LAMA4: variants seen among roughly 807,000 people sequenced by gnomAD.
LAMA4 encodes laminin subunit alpha 4.
Under a neutral mutation model 207.1 loss-of-function variants are expected in LAMA4, and 127 were observed. That is an observed-to-expected ratio of 0.61 (90% CI 0.53 to 0.71). The LOEUF (loss-of-function observed/expected upper bound fraction) is 0.71, where lower values mean the gene tolerates loss of function less well. LAMA4 is among the 30% of genes least tolerant of loss of function. LAMA4 has a pLI of 0.00. For missense variants in LAMA4, 2,093 were observed against 2,246.5 expected, an observed-to-expected ratio of 0.93 and a Z score of 1.38; for synonymous variants, 761 against 816.0, an observed-to-expected ratio of 0.93 and a Z score of 1.15.
chr6:112,236,490 G>A (rs1377478240), intron 2 of LAMA4: 1 of 152,150 alleles, frequency 6.6e-6, no homozygotes, highest in Non-Finnish European at 1.5e-5. Context: ...AGTAGTCATT[G>A]GAAATTCCAA....
intron 38 of LAMA4, among the ~76,000 whole-genome samples, chr6:112,112,245 T>C (rs587636803): frequency 2.6e-5 from 4 of 152,264 alleles, no homozygotes; most frequent in Non-Finnish European, 5.9e-5. Context: ...ATAGGAGAAG[T>C]TGTTTCTTAA....
chr6:112,208,805 G>A (rs1238129528), intron 3 of LAMA4, among the ~76,000 whole-genome samples: 1 of 152,194 alleles, frequency 6.6e-6, no homozygotes, highest in Non-Finnish European at 1.5e-5. Flanking sequence ...CATTAGGTAT[G>A]AGCAATCTTT....
intron 2 of LAMA4, among the ~76,000 whole-genome samples, chr6:112,220,971 T>G (rs1784892007): frequency 6.6e-6 from 1 of 152,168 alleles, no homozygotes; most frequent in South Asian, 2.1e-4. Flanking sequence ...TTTGCATAGA[T>G]ACAGAATCTC....
chr6:112,140,330 C>A (rs1779615364), intron 22 of LAMA4, among the ~76,000 whole-genome samples: 1 of 152,166 alleles, frequency 6.6e-6, no homozygotes, highest in Admixed American at 6.5e-5. Context: ...AGATTTCATA[C>A]TCTCTCCGAA....
chr6:112,209,948 T>C (rs1554355821), intron 3 of LAMA4, among the ~76,000 whole-genome samples: 3 of 152,088 alleles, frequency 2.0e-5, no homozygotes, highest in Non-Finnish European at 1.5e-5. Context: ...ATTCCCCTAG[T>C]GCTGTCTTGT....
intron 2 of LAMA4, among the ~76,000 whole-genome samples, chr6:112,223,986 C>T (rs1198218545): frequency 5.3e-5 from 8 of 152,218 alleles, no homozygotes; most frequent in Admixed American, 5.2e-4. Flanking sequence ...CTTGTGTCCT[C>T]TGCCCATCTC....
intron 3 of LAMA4, among the ~76,000 whole-genome samples, chr6:112,211,400 G>T (rs1176719354): frequency 6.6e-6 from 1 of 152,122 alleles, no homozygotes; most frequent in African/African-American, 2.4e-5. Flanking sequence ...TGCATTTAGG[G>T]TAGCTTGTTA....
Position 112,134,509 on chromosome 6 carries a change from T to C in LAMA4, c.3515A>G (p.Asp1172Gly), listed in dbSNP as rs1554330855. 3.1e-6 allele frequency: 5 copies of C among 1,613,288 alleles called. 1 individual carries two copies. The highest frequency in any genetic ancestry group is 3.3e-4 in the Middle Eastern group (2 of 6,056). The change falls in exon 26 of 39, where the codon GAT (aspartate) becomes GGT (glycine). Residue 1172 changes from aspartate to glycine, a missense_variant. Physicochemically the swap from Asp to Gly is moderately conservative, Grantham distance 94. Coordinates refer to ENST00000230538, the MANE Select transcript of LAMA4 (RefSeq NM_001105206.3). The stretch of plus-strand genomic sequence containing the variant: ...TGGAGGAGCTCCTCCAATGTATATA[T>C]CTGTAAAAGGTATTTTCATCTTTTC... The part of the protein sequence containing the change: ...DNEKMKIPFT[D>G]IYIGGAPPEI...
chr6:112,184,373 G>T (rs1310011211), intron 9 of LAMA4, among the ~76,000 whole-genome samples: 2 of 151,802 alleles, frequency 1.3e-5, no homozygotes, highest in East Asian at 3.9e-4. Flanking sequence ...TAAATATGGT[G>T]CCTCGTGACT....
At position 112,135,490 on chromosome 6, in the gene LAMA4, T is replaced by A. The variant is rs1291554115; in HGVS notation, c.3414+633A>T. Among the ~76,000 whole-genome samples the A allele has an allele frequency of 2.6e-5, 4 of 152,326 alleles. No homozygotes were observed. In the East Asian group the frequency reaches 5.8e-4, roughly 22 times the overall value. On this transcript the variant is annotated intron_variant, in intron 25 of 38. Coordinates refer to ENST00000230538, the MANE Select transcript of LAMA4 (RefSeq NM_001105206.3). ...ATGGACTTTGAACTGAAAAGGGAAA[T>A]ACAGTCTCCTACCCTTCGCATTTTG... is the stretch of plus-strand genomic sequence containing the variant.
chr6:112,121,867 G>T (rs934590566), intron 32 of LAMA4, 147 bp downstream of exon 32: 4 of 707,096 alleles, frequency 5.7e-6, no homozygotes, highest in Non-Finnish European at 1.0e-5. Context: ...CATAAATCAT[G>T]TACTATTTAG....
At position 112,190,931 on chromosome 6, in the gene LAMA4, CTTTCTTTCTTTCTTTCCTTTCTTTCTTT is replaced by C. The variant is rs1783036044; in HGVS notation, c.718+677_718+704del. Among the ~76,000 whole-genome samples, 57 of 79,392 alleles carry C rather than the reference CTTTCTTTCTTTCTTTCCTTTCTTTCTTT, an allele frequency of 7.2e-4. No individual in the cohort carries two copies. In the East Asian group the frequency reaches 0.012, roughly 16 times the overall value. 52.1% of individuals were successfully genotyped at this position (79,392 alleles called of 152,430 possible). On this transcript the variant is annotated intron_variant, in intron 6 of 38. Transcript: ENST00000230538. ...TCTTTCTTTCTTTCTTTCTTTCTTT[CTTTCTTTCTTTCTTTCCTTTCTTTCTTT>C]CTTTCTTTCTTTCTTTCTTTCTTTC...
intron 24 of LAMA4, among the ~76,000 whole-genome samples, chr6:112,136,617 G>A (rs782298450): frequency 2.6e-5 from 4 of 151,640 alleles, no homozygotes; most frequent in African/African-American, 7.3e-5. Context: ...GCTTGAACCC[G>A]GGAGGTGGAA....
At chr6:112,190,868 T>C (rs1782976592) in intron 6 of LAMA4, among the ~76,000 whole-genome samples, 1 of 149,750 alleles carries the variant, frequency 6.7e-6, no homozygotes, top group Admixed American at 6.7e-5. Context: ...ATGCAAGGTT[T>C]CTTTTTCTTT....
At chr6:112,214,332 C>T (rs530649599) in intron 3 of LAMA4, among the ~76,000 whole-genome samples, 4 of 152,142 alleles carry the variant, frequency 2.6e-5, no homozygotes, top group East Asian at 3.9e-4. Context: ...GATCCTCCTG[C>T]CTTGGCCTCC....
At chr6:112,184,193 A>G (rs1208078413) in intron 9 of LAMA4, among the ~76,000 whole-genome samples, 2 of 152,054 alleles carry the variant, frequency 1.3e-5, no homozygotes, top group African/African-American at 2.4e-5. Context: ...CCAAGGTCAA[A>G]AGAGAATACT....
At chr6:112,202,443 G>GCGTGT (rs781857527) in intron 4 of LAMA4, among the ~76,000 whole-genome samples, 1 of 150,028 alleles carries the variant, frequency 6.7e-6, no homozygotes, top group African/African-American at 2.4e-5. Flanking sequence ...GGGGCATAGG[G>GCGTGT]GTGTGTGTGT....
chr6:112,215,623 C>T (rs545206175), intron 3 of LAMA4, among the ~76,000 whole-genome samples: 1 of 152,278 alleles, frequency 6.6e-6, no homozygotes, highest in African/African-American at 2.4e-5. Flanking sequence ...CTTATAAATG[C>T]CCTCTATGAC....
chr6:112,175,039 T>C (rs1562694840), intron 11 of LAMA4, among the ~76,000 whole-genome samples: 1 of 152,248 alleles, frequency 6.6e-6, no homozygotes. Flanking sequence ...GTCTTCCTTC[T>C]ACTGTTTTAT....
Sources: gnomAD v4.1 joint callset for allele counts (sites outside exome capture counted in the v4.1 genomes callset) on GRCh38, gnomAD v4.1.1 for gene constraint, MANE v1.5 for transcripts, NCBI Gene and HGNC (gene_info 2026-07-23, HGNC 2026-07-21) for gene names.